The following BMAL1 variants were observed in gnomAD, a reference collection of about 807,000 sequenced individuals.
The protein encoded by BMAL1 is basic helix-loop-helix ARNT-like protein 1.
At chr11:13,381,157 A>G in the BMAL1 span, 2 of 1,613,818 alleles carry the variant, frequency 1.2e-6, no homozygotes, top group African/African-American at 2.7e-5. Context: ...CTCTTTTCTG[A>G]CAGGATAAGA....
the BMAL1 span, among the ~76,000 whole-genome samples, chr11:13,338,899 G>T: frequency 6.6e-6 from 1 of 152,244 alleles, no homozygotes; most frequent in African/African-American, 2.4e-5. Context: ...GAGTTGTGGG[G>T]GTGGCAGGTG....
chr11:13,341,576 A>C, the BMAL1 span, among the ~76,000 whole-genome samples: 2 of 152,010 alleles, frequency 1.3e-5, no homozygotes, highest in Non-Finnish European at 1.5e-5. Flanking sequence ...CCTCCCTCAC[A>C]CTGGCCTCTC....
the BMAL1 span, among the ~76,000 whole-genome samples, chr11:13,284,146 G>GTATA: frequency 1.6e-5 from 1 of 61,012 alleles, no homozygotes; most frequent in Non-Finnish European, 3.0e-5. Context: ...ATATATATGT[G>GTATA]TATATATATA....
the BMAL1 span, among the ~76,000 whole-genome samples, chr11:13,324,570 G>A: frequency 6.6e-6 from 1 of 152,050 alleles, no homozygotes; most frequent in Admixed American, 6.6e-5. Flanking sequence ...GTCCTACCTC[G>A]CTTTGGTTTC....
the BMAL1 span, chr11:13,366,918 G>GAA: frequency 1.9e-6 from 1 of 532,286 alleles, no homozygotes; most frequent in Non-Finnish European, 3.2e-6. Flanking sequence ...TGGGGCACCA[G>GAA]AGCTATCTTT....
the BMAL1 span, chr11:13,366,584 C>T: frequency 8.1e-7 from 1 of 1,241,076 alleles, no homozygotes; most frequent in Non-Finnish European, 1.2e-6. Context: ...AGGCAACATG[C>T]AGACTGTGCA....
the BMAL1 span, among the ~76,000 whole-genome samples, chr11:13,286,949 G>A: frequency 1.3e-5 from 2 of 152,260 alleles, no homozygotes; most frequent in East Asian, 1.9e-4. Context: ...AATGTTAAAT[G>A]CAAAGCTATT....
chr11:13,351,043 G>A, the BMAL1 span, among the ~76,000 whole-genome samples: 2 of 152,180 alleles, frequency 1.3e-5, no homozygotes, highest in African/African-American at 2.4e-5. Context: ...GACCCTGATG[G>A]AGAGGACTGC....
the BMAL1 span, chr11:13,375,743 T>C: frequency 6.3e-7 from 1 of 1,590,876 alleles, no homozygotes; most frequent in Admixed American, 1.8e-5. Context: ...ATATATTGTC[T>C]CAACTAACAC....
At chr11:13,329,761 G>A in the BMAL1 span, among the ~76,000 whole-genome samples, 1 of 152,300 alleles carries the variant, frequency 6.6e-6, no homozygotes, top group South Asian at 2.1e-4. Flanking sequence ...TGACATAACT[G>A]CATTGCCTTC....
the BMAL1 span, among the ~76,000 whole-genome samples, chr11:13,302,729 C>T: frequency 3.9e-5 from 6 of 152,182 alleles, no homozygotes; most frequent in African/African-American, 1.4e-4. Context: ...GGTGCTCGCT[C>T]CACAAGCAGC....
At chr11:13,280,640 T>C in the BMAL1 span, among the ~76,000 whole-genome samples, 3 of 152,258 alleles carry the variant, frequency 2.0e-5, no homozygotes, top group African/African-American at 7.2e-5. Flanking sequence ...GACCTTGAGG[T>C]TTCGTTGGGA....
chr11:13,362,926 C>T, the BMAL1 span, among the ~76,000 whole-genome samples: 3 of 151,742 alleles, frequency 2.0e-5, no homozygotes, highest in Non-Finnish European at 4.4e-5. Context: ...GTCCTGATTC[C>T]CATACTGGTA....
At chr11:13,363,673 G>GT in the BMAL1 span, among the ~76,000 whole-genome samples, 3 of 152,230 alleles carry the variant, frequency 2.0e-5, no homozygotes, top group Non-Finnish European at 2.9e-5. Flanking sequence ...TCAGTCAACT[G>GT]TATCAGTTTA....
chr11:13,372,146 C>T, the BMAL1 span: 66 of 1,612,516 alleles, frequency 4.1e-5, no homozygotes, highest in Middle Eastern at 1.8e-4. Context: ...ACACTAACCA[C>T]GAACTTTGCT....
chr11:13,358,610 T>C, the BMAL1 span: 4 of 1,563,912 alleles, frequency 2.6e-6, no homozygotes, highest in South Asian at 2.4e-5. Flanking sequence ...CTGGGCTCTA[T>C]TGTCCTTTAT....
the BMAL1 span, among the ~76,000 whole-genome samples, chr11:13,297,657 C>G: frequency 6.6e-6 from 1 of 152,182 alleles, no homozygotes; most frequent in Non-Finnish European, 1.5e-5. Flanking sequence ...TGAGCCTGCC[C>G]TTTCCCAAGT....
chr11:13,362,531 A>G, the BMAL1 span, among the ~76,000 whole-genome samples: 2 of 152,096 alleles, frequency 1.3e-5, no homozygotes, highest in South Asian at 2.1e-4. Context: ...TTGTTTACTT[A>G]CTAGATGCAT....
chr11:13,320,332 T>A, the BMAL1 span, among the ~76,000 whole-genome samples: 2 of 152,208 alleles, frequency 1.3e-5, no homozygotes, highest in Non-Finnish European at 2.9e-5. Flanking sequence ...ACCTCACTTT[T>A]ATGAGTCTGA....
Sources: allele counts gnomAD v4.1 joint callset (sites outside exome capture counted in the v4.1 genomes callset), GRCh38; gene constraint gnomAD v4.1.1; transcripts MANE v1.5; gene names NCBI Gene and HGNC (gene_info 2026-07-23, HGNC 2026-07-21).